MGAT4A: variants seen among roughly 807,000 people sequenced by gnomAD.
The protein encoded by MGAT4A is alpha-1,3-mannosyl-glycoprotein 4-beta-N-acetylglucosaminyltransferase A.
In MGAT4A, 33 loss-of-function variants were observed where a neutral mutation model predicts 74.1. The ratio of observed to expected loss-of-function variants is 0.45; its 90% CI spans 0.34 to 0.60. The LOEUF (loss-of-function observed/expected upper bound fraction) is 0.60. Ranked by LOEUF, MGAT4A falls within the 20% of genes least tolerant of loss-of-function variation. MGAT4A has a pLI of 0.02. For missense variants in MGAT4A, 479 were observed against 628.3 expected (o/e 0.76, Z 2.54); for synonymous variants, 198 against 210.4 (o/e 0.94, Z 0.51).
intron 2 of MGAT4A, among the ~76,000 whole-genome samples, chr2:98,705,690 TCCCA>T (rs1702416082): frequency 6.6e-6 from 1 of 152,142 alleles, no homozygotes. Context: ...ACGCCTGTAA[TCCCA>T]GCACTTTGGG....
At chr2:98,716,347 G>A (rs558582241) in intron 2 of MGAT4A, among the ~76,000 whole-genome samples, 82 of 152,290 alleles carry the variant, frequency 5.4e-4, no homozygotes, top group Non-Finnish European at 1.1e-3. Flanking sequence ...GCTGGGCGTG[G>A]TGGCTCACGC....
At chr2:98,697,340 T>G (rs768268529) in intron 2 of MGAT4A, among the ~76,000 whole-genome samples, 4 of 152,160 alleles carry the variant, frequency 2.6e-5, no homozygotes, top group Non-Finnish European at 5.9e-5. Context: ...ATTTCCAAAA[T>G]GACAAAGTTA....
chr2:98,641,920 G>A (rs907482745), intron 10 of MGAT4A, among the ~76,000 whole-genome samples: 6 of 151,724 alleles, frequency 4.0e-5, no homozygotes, highest in Non-Finnish European at 7.4e-5. Flanking sequence ...GCTTGAACCT[G>A]GGGGGCAGAG....
At chr2:98,658,294 C>A (rs1701689765) in intron 5 of MGAT4A, 30 bp from the exon 6 acceptor site, 11 of 1,384,940 alleles carry the variant, frequency 7.9e-6, no homozygotes, top group Non-Finnish European at 1.0e-5. Context: ...TATCTATATT[C>A]AAGTTTTTAT....
intron 14 of MGAT4A, among the ~76,000 whole-genome samples, chr2:98,626,117 C>A (rs3769697): frequency 0.18 from 27,508 of 152,076 alleles, 2,703 homozygotes; most frequent in African/African-American, 0.25. Context: ...TTATATCAAC[C>A]ATGTTTTAAA....
Position 98,624,677 on chromosome 2 carries a change from A to G in MGAT4A, c.*889T>C. On this transcript the variant is annotated 3_prime_UTR_variant, in exon 16 of 16. Coordinates refer to ENST00000393487, the MANE Select transcript of MGAT4A (RefSeq NM_012214.3). ...CATGGATTAAAGACAAAGATTAAAA[A>G]GGAAAGAAGAGTTTGTCATTTTACA... 7.1e-6 allele frequency: 7 copies of G among 981,710 alleles called. No homozygotes were observed. The highest frequency in any genetic ancestry group is 8.5e-6 in the Non-Finnish European group (7 of 826,440). 60.8% of individuals were successfully genotyped at this position (981,710 alleles called of 1,614,324 possible).
chr2:98,658,114 C>A, intron 6 of MGAT4A, 104 bp downstream of exon 6: 1 of 738,018 alleles, frequency 1.4e-6, no homozygotes, highest in Non-Finnish European at 2.3e-6. Context: ...ACAATGAACT[C>A]CACAGAGAAA....
At chr2:98,691,694 CCTT>C (rs1260825923) in intron 2 of MGAT4A, among the ~76,000 whole-genome samples, 2 of 152,152 alleles carry the variant, frequency 1.3e-5, no homozygotes, top group Non-Finnish European at 2.9e-5. Flanking sequence ...AGAGTATACT[CCTT>C]CTGCTCATAG....
rs1701125893 is a variant in MGAT4A at position 98,625,160 on chromosome 2, T to C, written c.*406A>G. 1.3e-6 allele frequency: 1 copy of C among 793,632 alleles called. No individual in the cohort carries two copies. Among genetic ancestry groups the C allele is most frequent in the Admixed American group, 6.3e-5 (1 of 15,956 alleles). 49.2% of individuals were successfully genotyped at this position (793,632 alleles called of 1,614,324 possible). ...TTATGTATATTTATATATTTATATA[T>C]ATAATCCCTGATAATCTATAAAAGA... On this transcript the variant is annotated 3_prime_UTR_variant, in exon 16 of 16. Coordinates refer to ENST00000393487, the MANE Select transcript of MGAT4A (RefSeq NM_012214.3).
intron 7 of MGAT4A, chr2:98,656,130 G>C (rs1030715043): frequency 3.3e-5 from 15 of 449,896 alleles, no homozygotes; most frequent in Non-Finnish European, 5.5e-5. Context: ...GGATCTAAAA[G>C]CTAGTTTAAG....
intron 10 of MGAT4A, among the ~76,000 whole-genome samples, chr2:98,642,238 A>T (rs143686870): frequency 6.6e-6 from 1 of 152,162 alleles, no homozygotes; most frequent in Non-Finnish European, 1.5e-5. Flanking sequence ...GGTTGAGGAG[A>T]GAGCAAAACC....
chr2:98,641,851 G>C (rs921081312), intron 10 of MGAT4A, among the ~76,000 whole-genome samples: 2 of 151,384 alleles, frequency 1.3e-5, no homozygotes, highest in African/African-American at 4.9e-5. Context: ...AAATTTGCCA[G>C]GCGTGGTGGC....
At chr2:98,674,527 G>A (rs1701953626) in intron 4 of MGAT4A, among the ~76,000 whole-genome samples, 1 of 152,154 alleles carries the variant, frequency 6.6e-6, no homozygotes, top group African/African-American at 2.4e-5. Context: ...AAGTTCTGTT[G>A]CCTCTGACAA....
At chr2:98,720,128 T>C (rs926217291) in intron 2 of MGAT4A, among the ~76,000 whole-genome samples, 2 of 152,120 alleles carry the variant, frequency 1.3e-5, no homozygotes, top group African/African-American at 4.8e-5. Flanking sequence ...AAAAGTACAA[T>C]AGAAGTAAAA....
At chr2:98,679,206 A>C (rs577620220) in intron 2 of MGAT4A, among the ~76,000 whole-genome samples, 2 of 152,032 alleles carry the variant, frequency 1.3e-5, no homozygotes, top group Admixed American at 6.5e-5. Context: ...GGAGATCGAG[A>C]CCATCCTGGC....
intron 10 of MGAT4A, 144 bp from the exon 11 acceptor site, chr2:98,640,372 G>C (rs891837778): frequency 2.0e-5 from 13 of 655,898 alleles, no homozygotes; most frequent in Non-Finnish European, 2.9e-5. Flanking sequence ...CATGTTGAAA[G>C]GCCAAGGCAG....
chr2:98,621,957 C>T lies in MGAT4A; in HGVS notation c.*3609G>A, dbSNP rs1219079738. 15 of 991,910 alleles carry T rather than the reference C, an allele frequency of 1.5e-5. No individual in the cohort carries two copies. The highest frequency in any genetic ancestry group is 1.7e-5 in the African/African-American group (1 of 57,316). The allele number at this position is 991,910 out of a possible 1,614,324, so 61.4% of individuals were successfully genotyped here. The stretch of plus-strand genomic sequence containing the variant: ...GAACAAATACACACATACGTATCTA[C>T]AGCCTATGTGCTAAATAATCCTTTG... On this transcript the variant is annotated 3_prime_UTR_variant, in exon 16 of 16. Transcript: ENST00000393487.
At chr2:98,698,792 T>G (rs958976972) in intron 2 of MGAT4A, among the ~76,000 whole-genome samples, 1 of 152,210 alleles carries the variant, frequency 6.6e-6, no homozygotes, top group Admixed American at 6.5e-5. Flanking sequence ...ACCTTCTCTT[T>G]CTTTACTGGA....
At chr2:98,657,649 T>C (rs1701678429) in intron 6 of MGAT4A, among the ~76,000 whole-genome samples, 2 of 152,188 alleles carry the variant, frequency 1.3e-5, no homozygotes, top group Admixed American at 6.5e-5. Flanking sequence ...AAAAAACAGA[T>C]ACAATTTAAT....
Sources: gnomAD v4.1 joint callset for allele counts (sites outside exome capture counted in the v4.1 genomes callset) on GRCh38, gnomAD v4.1.1 for gene constraint, MANE v1.5 for transcripts, NCBI Gene and HGNC (gene_info 2026-07-23, HGNC 2026-07-21) for gene names.